Variants in THEMIS2 observed in about 807,000 individuals in gnomAD.
THEMIS2 encodes the protein protein THEMIS2.
THEMIS2 carries 29 observed loss-of-function variants against 46.8 expected under a neutral mutation model. That is an observed-to-expected ratio of 0.62 (90% CI 0.46 to 0.84). The LOEUF (loss-of-function observed/expected upper bound fraction) is 0.84. Among genes scored for constraint, THEMIS2 ranks in the 40% least tolerant of loss-of-function variants. The pLI, the probability that THEMIS2 is intolerant of heterozygous loss-of-function variation, is 0.00. For missense variants in THEMIS2, 698 were observed against 834.7 expected, an observed-to-expected ratio of 0.84 and a Z score of 2.02; for synonymous variants, 335 against 349.1, an observed-to-expected ratio of 0.96 and a Z score of 0.45.
intron 1 of THEMIS2, among the ~76,000 whole-genome samples, chr1:27,876,383 G>A (rs545468809): frequency 8.5e-5 from 13 of 152,194 alleles, no homozygotes; most frequent in Admixed American, 3.9e-4. Flanking sequence ...GTGCCACAGC[G>A]GGGTGCACCG....
chr1:27,872,585 C>T lies in THEMIS2; in HGVS notation c.14C>T (p.Pro5Leu), dbSNP rs967373866. The change falls in exon 1 of 6, where the codon CCG becomes CTG. Residue 5 changes from proline (P) to leucine (L), a missense_variant. Transcript: ENST00000373921. This position sits in a 1 kb window ranked among gnomAD's most constrained non-coding sequence, Gnocchi z 4.9. ...GCCGCGGGGACCATGGAGCCGGTGC[C>T]GCTGCAGGACTTCGTGCGCGCCTTG... is the stretch of plus-strand genomic sequence containing the variant. MEPVPLQDFVRALDP... is the reference protein window; with the variant it reads MEPVLLQDFVRALDP... 1 of 1,488,250 alleles carries T rather than the reference C, an allele frequency of 6.7e-7. No individual in the cohort carries two copies. 92.2% of individuals were successfully genotyped at this position (1,488,250 alleles called of 1,614,324 possible).
chr1:27,882,506 T>C lies in THEMIS2; in HGVS notation c.1182T>C (p.Val394=). 6.2e-7 allele frequency: 1 copy of C among 1,613,414 alleles called. No individual in the cohort carries two copies. Among genetic ancestry groups the C allele is most frequent in the Admixed American group, 1.7e-5 (1 of 60,010 alleles). ...AGGGCAGTGACGTGGATGTCTTGGT[T>C]TGTCAGCGGCTGAGTGACCAGGCTG... ...GAQGSDVDVL[V]CQRLSDQAGE... The change falls in exon 4 of 6, where the codon GTT becomes GTC. Residue 394 remains valine (V), a synonymous_variant. Coordinates refer to ENST00000373921, the MANE Select transcript of THEMIS2 (RefSeq NM_001105556.3). The surrounding 1 kb of genome is among the most constrained non-coding windows in gnomAD (Gnocchi z 7.6).
At position 27,882,477 on chromosome 1, in the gene THEMIS2, GC is replaced by G; in HGVS notation, c.1156del (p.Gln386ArgfsTer13). On this transcript the variant is annotated frameshift_variant, in exon 4 of 6. Coordinates refer to ENST00000373921, the MANE Select transcript of THEMIS2 (RefSeq NM_001105556.3). LOFTEE classifies it high-confidence loss of function. The surrounding 1 kb of genome is among the most constrained non-coding windows in gnomAD (Gnocchi z 7.6). ...EVLGPGQAHG[A>X]QGSDVDVLVC... ...GCTGGGGCCTGGCCAGGCCCATGGG[GC>G]CCAGGGCAGTGACGTGGATGTCTTG... is the stretch of plus-strand genomic sequence containing the variant. The G allele has an allele frequency of 6.2e-7, 1 of 1,613,294 alleles. No homozygotes were observed. Among genetic ancestry groups the G allele is most frequent in the Non-Finnish European group, 8.5e-7 (1 of 1,179,382 alleles).
At chr1:27,883,574 G>A (rs887815705) in intron 4 of THEMIS2, 8 of 153,648 alleles carry the variant, frequency 5.2e-5, no homozygotes, top group South Asian at 2.0e-4. Flanking sequence ...CTGACTTGTC[G>A]CACCTCCCCG....
intron 3 of THEMIS2, among the ~76,000 whole-genome samples, chr1:27,880,569 G>A (rs537162332): frequency 3.3e-5 from 5 of 152,212 alleles, no homozygotes; most frequent in African/African-American, 4.8e-5. Context: ...TTGGAGGATC[G>A]CTTGATCTCA....
At chr1:27,879,563 G>C in intron 2 of THEMIS2, 81 bp from the exon 3 acceptor site, 1 of 1,305,148 alleles carries the variant, frequency 7.7e-7, no homozygotes, top group Non-Finnish European at 1.1e-6. Context: ...TGCAGGGCCA[G>C]ACTGGGGTCT....
chr1:27,877,198 C>T (rs959124793), intron 2 of THEMIS2, among the ~76,000 whole-genome samples: 1 of 152,186 alleles, frequency 6.6e-6, no homozygotes, highest in Non-Finnish European at 1.5e-5. Flanking sequence ...AGTAACCTGC[C>T]TCAGGATCTG....
chr1:27,881,846 A>G, intron 3 of THEMIS2, 125 bp from the exon 4 acceptor site: 3 of 735,422 alleles, frequency 4.1e-6, no homozygotes, highest in South Asian at 4.2e-5. Flanking sequence ...CCATCTCAAA[A>G]AAAAAAAAAG....
intron 4 of THEMIS2, chr1:27,883,519 G>A (rs2089720486): frequency 6.2e-6 from 1 of 161,586 alleles, no homozygotes; most frequent in Non-Finnish European, 1.4e-5. Flanking sequence ...CATCATCATG[G>A]GATGATGCAA....
At position 27,882,246 on chromosome 1, in the gene THEMIS2, C is replaced by T. The variant is rs745769617; in HGVS notation, c.922C>T (p.Arg308Cys). Residue 308 changes from arginine (R) to cysteine (C), a missense_variant, in exon 4 of 6, where the codon CGC becomes TGC. Arg to Cys is a radical substitution (Grantham distance 180). Coordinates refer to ENST00000373921, the MANE Select transcript of THEMIS2 (RefSeq NM_001105556.3). This position sits in a 1 kb window ranked among gnomAD's most constrained non-coding sequence, Gnocchi z 7.6. ...PWRVLASSKG[R>C]KVPRHFLVSG... The stretch of plus-strand genomic sequence containing the variant: ...GCGGGTCCTGGCCTCAAGCAAGGGC[C>T]GCAAGGTGCCCAGGCACTTCCTGGT... 3.2e-5 allele frequency: 51 copies of T among 1,608,266 alleles called. No individual in the cohort carries two copies. Among genetic ancestry groups the T allele is most frequent in the Non-Finnish European group, 3.9e-5 (46 of 1,176,602 alleles).
rs1012909303 is a variant in THEMIS2, at chr1:27,885,852, C to T, written c.1877-15C>T. On this transcript the variant is annotated splice_polypyrimidine_tract_variant and intron_variant, in intron 5 of 5. Transcript: ENST00000373921. Reference sequence around the variant, plus strand: ...CTAACGCTAAAGATCCTCATTGACTCGGACTCTTTTGCAGATGATGATGAA... The same window carrying T: ...CTAACGCTAAAGATCCTCATTGACTTGGACTCTTTTGCAGATGATGATGAA... 15 of 1,613,358 alleles carry T rather than the reference C, an allele frequency of 9.3e-6. No homozygotes were observed. The highest frequency in any genetic ancestry group is 1.6e-4 in the Middle Eastern group (1 of 6,084).
Position 27,875,627 on chromosome 1 carries a change from C to T in THEMIS2, c.95-961C>T, listed in dbSNP as rs147403677. On this transcript the variant is annotated intron_variant, in intron 1 of 5. Transcript: ENST00000373921. ...TGGAGAGACTGTGCACTCGTGTGTG[C>T]GTGAGAGATCTTTATTGAGCAACTT... 3.5e-4 allele frequency among the ~76,000 whole-genome samples: 54 copies of T among 152,246 alleles called. No individual in the cohort carries two copies. The East Asian group carries it at 9.4e-3, about 27-fold the overall frequency.
chr1:27,885,491 C>T (rs1023536758), intron 5 of THEMIS2, 40 bp downstream of exon 5: 9 of 1,600,616 alleles, frequency 5.6e-6, no homozygotes, highest in Non-Finnish European at 7.7e-6. Flanking sequence ...GTCCTTGTGT[C>T]TCCCCTCCCT....
At position 27,882,222 on chromosome 1, in the gene THEMIS2, C is replaced by T. The variant is rs764472338; in HGVS notation, c.898C>T (p.Arg300Trp). 3.7e-6 allele frequency: 6 copies of T among 1,609,032 alleles called. No individual in the cohort carries two copies. Among genetic ancestry groups the T allele is most frequent in the East Asian group, 2.2e-5 (1 of 44,718 alleles). Reference protein sequence around the residue: ...CVYGLASPPWRVLASSKGRKV... With the variant: ...CVYGLASPPWWVLASSKGRKV... ...CTATGGCCTAGCCTCACCACCCTGGCGGGTCCTGGCCTCAAGCAAGGGCCG... is the reference window on the plus strand; with the variant it reads ...CTATGGCCTAGCCTCACCACCCTGGTGGGTCCTGGCCTCAAGCAAGGGCCG... Residue 300 changes from arginine (R) to tryptophan (W), a missense_variant, in exon 4 of 6, where the codon CGG becomes TGG. Physicochemically the swap from Arg to Trp is moderately radical, Grantham distance 101. Coordinates refer to ENST00000373921, the MANE Select transcript of THEMIS2 (RefSeq NM_001105556.3). The surrounding 1 kb of genome is among the most constrained non-coding windows in gnomAD (Gnocchi z 7.6).
chr1:27,875,221 C>G (rs976930340), intron 1 of THEMIS2, among the ~76,000 whole-genome samples: 2 of 152,114 alleles, frequency 1.3e-5, no homozygotes, highest in Admixed American at 6.6e-5. Flanking sequence ...TCAGGTGATC[C>G]CCCTGTCTTG....
At position 27,885,386 on chromosome 1, in the gene THEMIS2, C is replaced by T. The variant is rs371915338; in HGVS notation, c.1811C>T (p.Thr604Met). The T allele has an allele frequency of 4.8e-5, 77 of 1,614,092 alleles. No homozygotes were observed. The highest frequency in any genetic ancestry group is 1.5e-4 in the African/African-American group (11 of 74,934). ...GAGTTCATCAAGGATGGCTCCAGTA[C>T]GTACAGCAAGATTCCTGCCCACAGG... Reference protein sequence around the residue: ...LPEFIKDGSSTYSKIPAHRKG... With the variant: ...LPEFIKDGSSMYSKIPAHRKG... The change falls in exon 5 of 6, where the codon ACG (threonine) becomes ATG (methionine). Residue 604 changes from threonine to methionine, a missense_variant. Physicochemically the swap from Thr to Met is moderately conservative, Grantham distance 81. Transcript: ENST00000373921.
chr1:27,875,199 G>A (rs1385887074), intron 1 of THEMIS2, among the ~76,000 whole-genome samples: 2 of 152,024 alleles, frequency 1.3e-5, no homozygotes, highest in Admixed American at 6.6e-5. Flanking sequence ...GGCTGATCTC[G>A]AACTCCTGAT....
At position 27,883,136 on chromosome 1, in the gene THEMIS2, T is replaced by C. The variant is rs2089715191; in HGVS notation, c.1719+93T>C. 8.1e-6 allele frequency: 9 copies of C among 1,111,278 alleles called. No homozygotes were observed. The East Asian group carries it at 2.3e-4, about 28-fold the overall frequency. The allele number at this position is 1,111,278 out of a possible 1,614,324, so 68.8% of individuals were successfully genotyped here. On this transcript the variant is annotated intron_variant, in intron 4 of 5. Transcript: ENST00000373921. Reference sequence around the variant, plus strand: ...GCCTGTCATGTTTCTCTTGCAACTGTGTAAACTTGTAGTTTATAAACTTGC... The same window carrying C: ...GCCTGTCATGTTTCTCTTGCAACTGCGTAAACTTGTAGTTTATAAACTTGC...
chr1:27,876,103 G>A (rs972082125), intron 1 of THEMIS2, among the ~76,000 whole-genome samples: 17 of 151,866 alleles, frequency 1.1e-4, no homozygotes, highest in Admixed American at 9.8e-4. Context: ...GCTGGGTACC[G>A]GCCCTGGCTC....
Sources: allele counts gnomAD v4.1 joint callset (sites outside exome capture counted in the v4.1 genomes callset), GRCh38; gene constraint gnomAD v4.1.1; non-coding constraint Gnocchi (gnomAD v3.1); transcripts MANE v1.5; gene names NCBI Gene and HGNC (gene_info 2026-07-23, HGNC 2026-07-21).